FOXK1: variants seen among roughly 807,000 people sequenced by gnomAD.
FOXK1 encodes the protein forkhead box protein K1.
FOXK1 carries 19 observed loss-of-function variants against 51.9 expected under a neutral mutation model. That is an observed-to-expected ratio of 0.37 (90% CI 0.26 to 0.54). FOXK1 has a LOEUF of 0.54. Ranked by LOEUF, FOXK1 falls within the 20% of genes least tolerant of loss-of-function variation. The pLI, the probability that FOXK1 is intolerant of heterozygous loss-of-function variation, is 0.87. For synonymous variants in FOXK1, 537 were observed against 482.6 expected (o/e 1.11, Z -1.48); for missense variants, 870 against 1,032.7 (o/e 0.84, Z 2.16).
chr7:4,705,971 T>TAC (rs1491032451), intron 1 of FOXK1, among the ~76,000 whole-genome samples: 4 of 76,468 alleles, frequency 5.2e-5, no homozygotes, highest in Admixed American at 2.7e-4. Context: ...TATATATATA[T>TAC]ACGTATATAT....
intron 1 of FOXK1, among the ~76,000 whole-genome samples, chr7:4,699,686 T>C (rs1583184175): frequency 6.6e-6 from 1 of 152,280 alleles, no homozygotes; most frequent in African/African-American, 2.4e-5. Flanking sequence ...TTAGTTTTGA[T>C]CACTTGGTTT....
chr7:4,717,971 C>A (rs147006208), intron 1 of FOXK1, among the ~76,000 whole-genome samples: 12 of 152,202 alleles, frequency 7.9e-5, no homozygotes, highest in Middle Eastern at 3.4e-3. Flanking sequence ...TGTCCACAGA[C>A]CCTGGTTTAT....
In FOXK1 at chr7:4,711,383, G is replaced by A. The variant is rs1562375132; in HGVS notation, c.560+28515G>A. 6.6e-6 allele frequency among the ~76,000 whole-genome samples: 1 copy of A among 152,164 alleles called. No homozygotes were observed. The highest frequency in any genetic ancestry group is 1.5e-5 in the Non-Finnish European group (1 of 68,018). ...TGTGAGAGGGTGTGGCAGTCCGGGG[G>A]TGGGTCCCAGCCAGCCGCCAGCTCT... On this transcript the variant is annotated intron_variant, in intron 1 of 8. Coordinates refer to ENST00000328914, the MANE Select transcript of FOXK1 (RefSeq NM_001037165.2). This position sits in a 1 kb window ranked among gnomAD's most constrained non-coding sequence, Gnocchi z 6.3.
chr7:4,699,450 C>T (rs13232423), intron 1 of FOXK1, among the ~76,000 whole-genome samples: 56 of 151,752 alleles, frequency 3.7e-4, no homozygotes, highest in Non-Finnish European at 6.0e-4. Flanking sequence ...CTCACTGCAG[C>T]GTCTGCCTCC....
intron 1 of FOXK1, among the ~76,000 whole-genome samples, chr7:4,689,633 A>G (rs537005287): frequency 1.6e-4 from 24 of 152,200 alleles, no homozygotes; most frequent in Non-Finnish European, 2.9e-4. Context: ...TCTCATGGCT[A>G]TTTCCAACTA....
rs969272288 is a variant in FOXK1, at chr7:4,747,130, ACGCC to A, written c.746+6111_746+6114del. On this transcript the variant is annotated intron_variant, in intron 2 of 8. Coordinates refer to ENST00000328914, the MANE Select transcript of FOXK1 (RefSeq NM_001037165.2). The surrounding 1 kb of genome is among the most constrained non-coding windows in gnomAD (Gnocchi z 9.2). ...CCGAATCTGTTGAAAGGACATCCCC[ACGCC>A]CGCGTTTCCTGTAATCTCGGAGGGT... is the stretch of plus-strand genomic sequence containing the variant. Among the ~76,000 whole-genome samples, 1 of 151,796 alleles carries A rather than the reference ACGCC, an allele frequency of 6.6e-6. No individual in the cohort carries two copies. The highest frequency in any genetic ancestry group is 1.5e-5 in the Non-Finnish European group (1 of 67,942).
At chr7:4,699,061 G>C (rs1779987073) in intron 1 of FOXK1, among the ~76,000 whole-genome samples, 1 of 152,232 alleles carries the variant, frequency 6.6e-6, no homozygotes, top group South Asian at 2.1e-4. Context: ...CTCCAGCCCA[G>C]GATGGAGTTT....
rs1418108418 is a variant in FOXK1, at chr7:4,707,207, G to A, written c.560+24339G>A. Among the ~76,000 whole-genome samples, 1 of 152,150 alleles carries A rather than the reference G, an allele frequency of 6.6e-6. No homozygotes were observed. Among genetic ancestry groups the A allele is most frequent in the South Asian group, 2.1e-4 (1 of 4,832 alleles). ...ACACAGACATTGCCCAAACACTAAC[G>A]GAGAGGGAAGAGGTGCGGGGAGCTC... On this transcript the variant is annotated intron_variant, in intron 1 of 8. Coordinates refer to ENST00000328914, the MANE Select transcript of FOXK1 (RefSeq NM_001037165.2). The surrounding 1 kb of genome is among the most constrained non-coding windows in gnomAD (Gnocchi z 4.1).
Position 4,749,844 on chromosome 7 carries a change from G to C in FOXK1, c.747-4615G>C, listed in dbSNP as rs1293030065. Among the ~76,000 whole-genome samples the C allele has an allele frequency of 6.6e-6, 1 of 152,176 alleles. No homozygotes were observed. Among genetic ancestry groups the C allele is most frequent in the African/African-American group, 2.4e-5 (1 of 41,432 alleles). On this transcript the variant is annotated intron_variant, in intron 2 of 8. Coordinates refer to ENST00000328914, the MANE Select transcript of FOXK1 (RefSeq NM_001037165.2). This position sits in a 1 kb window ranked among gnomAD's most constrained non-coding sequence, Gnocchi z 6.0. ...CAGAGGTGGCTTTAGGTCTGTTGTTGGATTTGCCTTTCTCAGCGTGACTTC... is the reference window on the plus strand; with the variant it reads ...CAGAGGTGGCTTTAGGTCTGTTGTTCGATTTGCCTTTCTCAGCGTGACTTC...
chr7:4,700,605 C>T (rs1780008960), intron 1 of FOXK1, among the ~76,000 whole-genome samples: 1 of 151,862 alleles, frequency 6.6e-6, no homozygotes, highest in Admixed American at 6.6e-5. Context: ...CGCTTGAAGC[C>T]AGGTGTTGAA....
In FOXK1 at chr7:4,731,758, CA is replaced by C. The variant is rs374959543; in HGVS notation, c.561-9061del. Among the ~76,000 whole-genome samples the C allele has an allele frequency of 0.014, 984 of 68,660 alleles. 7 individuals carry two copies. Among genetic ancestry groups the C allele is most frequent in the African/African-American group, 0.041 (864 of 21,030 alleles). 45.0% of individuals were successfully genotyped at this position (68,660 alleles called of 152,430 possible). On this transcript the variant is annotated intron_variant, in intron 1 of 8. Transcript: ENST00000328914. The surrounding 1 kb of genome is among the most constrained non-coding windows in gnomAD (Gnocchi z 5.3). ...TGGGCAACAAAGCGAAACTCTGCCT[CA>C]AAAAAAAAAAAAAAAAAAGAAAACA... is the stretch of plus-strand genomic sequence containing the variant.
intron 2 of FOXK1, among the ~76,000 whole-genome samples, chr7:4,754,028 G>A (rs1412712761): frequency 6.6e-6 from 1 of 152,216 alleles, no homozygotes; most frequent in Non-Finnish European, 1.5e-5. Flanking sequence ...GACCACACGG[G>A]GTTGTCCTGG....
At chr7:4,712,588 C>G (rs563233112) in intron 1 of FOXK1, among the ~76,000 whole-genome samples, 6 of 152,254 alleles carry the variant, frequency 3.9e-5, no homozygotes, top group African/African-American at 1.2e-4. Context: ...ATCAAACCAC[C>G]GCTCTCTGAA....
intron 1 of FOXK1, among the ~76,000 whole-genome samples, chr7:4,739,014 C>T (rs566384895): frequency 2.6e-5 from 4 of 152,316 alleles, no homozygotes; most frequent in Middle Eastern, 6.8e-3. Context: ...CTGACCTGCT[C>T]CTCAGTCCCG....
intron 1 of FOXK1, among the ~76,000 whole-genome samples, chr7:4,705,498 C>T (rs1055975235): frequency 3.4e-5 from 5 of 147,124 alleles, no homozygotes; most frequent in East Asian, 4.0e-4. Flanking sequence ...GAGAATTCTT[C>T]TGTGTCATTT....
intron 5 of FOXK1, among the ~76,000 whole-genome samples, chr7:4,757,440 C>T (rs1445467056): frequency 6.6e-6 from 1 of 151,796 alleles, no homozygotes; most frequent in Admixed American, 6.6e-5. Flanking sequence ...CCAGCCTAGC[C>T]AACATGGTGA....
intron 1 of FOXK1, among the ~76,000 whole-genome samples, chr7:4,717,518 G>C (rs867529629): frequency 2.0e-5 from 3 of 151,246 alleles, no homozygotes; most frequent in African/African-American, 7.3e-5. Flanking sequence ...GAGGTGCCTG[G>C]CTGGGAGGCA....
At chr7:4,710,656 T>C (rs1269339466) in intron 1 of FOXK1, among the ~76,000 whole-genome samples, 1 of 152,202 alleles carries the variant, frequency 6.6e-6, no homozygotes, top group Non-Finnish European at 1.5e-5. Flanking sequence ...GTGTATGGCC[T>C]TCTGCTCCTT....
rs1030300919 is a variant in FOXK1, at chr7:4,758,662, C to A, written c.1245-389C>A. Reference sequence around the variant, plus strand: ...AGCTCCAAATGACGTTCAAACACCCCTCTCGGGTAGAGTTTTCATGGTGGA... The same window carrying A: ...AGCTCCAAATGACGTTCAAACACCCATCTCGGGTAGAGTTTTCATGGTGGA... On this transcript the variant is annotated intron_variant, in intron 5 of 8. Transcript: ENST00000328914. This position sits in a 1 kb window ranked among gnomAD's most constrained non-coding sequence, Gnocchi z 4.4. 1 of 215,182 alleles carries A rather than the reference C, an allele frequency of 4.6e-6. No individual in the cohort carries two copies. The highest frequency in any genetic ancestry group is 9.1e-6 in the Non-Finnish European group (1 of 109,364). 13.3% of individuals were successfully genotyped at this position (215,182 alleles called of 1,614,324 possible).
Sources: allele counts gnomAD v4.1 joint callset (sites outside exome capture counted in the v4.1 genomes callset), GRCh38; gene constraint gnomAD v4.1.1; non-coding constraint Gnocchi (gnomAD v3.1); transcripts MANE v1.5; gene names NCBI Gene and HGNC (gene_info 2026-07-23, HGNC 2026-07-21).